The following AUTS2 variants were observed in gnomAD, a reference collection of about 807,000 sequenced individuals.
AUTS2 encodes autism susceptibility gene 2 protein.
AUTS2 carries 17 observed loss-of-function variants against 112.4 expected under a neutral mutation model. The ratio of observed to expected loss-of-function variants is 0.15; its 90% CI spans 0.10 to 0.23. The LOEUF (loss-of-function observed/expected upper bound fraction) is 0.23. Ranked by LOEUF, AUTS2 falls within the 10% of genes least tolerant of loss-of-function variation. AUTS2 has a pLI of 1.00. For missense variants in AUTS2, 1,510 were observed against 1,701.6 expected (o/e 0.89, Z 1.98); for synonymous variants, 751 against 702.7 (o/e 1.07, Z -1.09).
chr7:70,354,620 G>T (rs1791909035), intron 4 of AUTS2, among the ~76,000 whole-genome samples: 1 of 152,160 alleles, frequency 6.6e-6, no homozygotes, highest in Non-Finnish European at 1.5e-5. Context: ...TCCCCAGCCA[G>T]CAGTCACTGC....
At chr7:69,662,116 C>T (rs1254900752) in intron 1 of AUTS2, among the ~76,000 whole-genome samples, 1 of 152,032 alleles carries the variant, frequency 6.6e-6, no homozygotes, top group South Asian at 2.1e-4. Flanking sequence ...CTTCCCCCTC[C>T]CTTTCTCCCA....
At chr7:70,788,112 C>T (rs1440540298) in intron 18 of AUTS2, among the ~76,000 whole-genome samples, 4 of 151,772 alleles carry the variant, frequency 2.6e-5, no homozygotes, top group Non-Finnish European at 4.4e-5. Context: ...AATATCGTAA[C>T]GCATTCTTGA....
At chr7:70,683,148 A>G (rs1808293855) in intron 5 of AUTS2, among the ~76,000 whole-genome samples, 1 of 152,180 alleles carries the variant, frequency 6.6e-6, no homozygotes, top group African/African-American at 2.4e-5. Flanking sequence ...TTAATGATAT[A>G]TTTTTTAGAA....
intron 1 of AUTS2, among the ~76,000 whole-genome samples, chr7:69,786,293 G>T (rs1051395204): frequency 6.6e-6 from 1 of 152,016 alleles, no homozygotes; most frequent in Non-Finnish European, 1.5e-5. Flanking sequence ...ACCAATCAGC[G>T]CTCTGCGTCT....
At chr7:70,434,152 G>T (rs1477212832) in intron 4 of AUTS2, among the ~76,000 whole-genome samples, 1 of 152,138 alleles carries the variant, frequency 6.6e-6, no homozygotes, top group Admixed American at 6.6e-5. Flanking sequence ...TTGTTTACTG[G>T]GGAGACAAAA....
At chr7:70,463,469 A>C (rs1328664714) in intron 5 of AUTS2, among the ~76,000 whole-genome samples, 1 of 152,208 alleles carries the variant, frequency 6.6e-6, no homozygotes, top group Admixed American at 6.5e-5. Flanking sequence ...TGTCCAGCTT[A>C]TATTTAGAAT....
intron 1 of AUTS2, among the ~76,000 whole-genome samples, chr7:69,755,613 G>T (rs549406781): frequency 6.6e-6 from 1 of 152,270 alleles, no homozygotes; most frequent in East Asian, 1.9e-4. Context: ...ATTATGATGA[G>T]AGCCATGGGA....
intron 4 of AUTS2, among the ~76,000 whole-genome samples, chr7:70,313,051 T>G (rs948000563): frequency 6.6e-6 from 1 of 152,172 alleles, no homozygotes; most frequent in African/African-American, 2.4e-5. Context: ...TGTTGTTCCA[T>G]AGGGAAGAAA....
chr7:70,435,753 G>A lies in AUTS2; in HGVS notation c.662G>A (p.Cys221Tyr), dbSNP rs1795866841. ...TTATTCTCTTGTCTTCATTTTCAGT[G>A]TGACAGTGACAGTGACCAGGAAGAG... The part of the protein sequence containing the change: ...APSSLGTGYF[C>Y]DSDSDQEEKA... Residue 221 changes from cysteine (C) to tyrosine (Y), a missense_variant and splice_region_variant, in exon 5 of 19, where the codon TGT (cysteine) becomes TAT (tyrosine). Cys to Tyr is a radical substitution (Grantham distance 194). Transcript: ENST00000342771. 1.9e-6 allele frequency: 3 copies of A among 1,613,924 alleles called. No homozygotes were observed. Among genetic ancestry groups the A allele is most frequent in the Non-Finnish European group, 2.5e-6 (3 of 1,179,906 alleles).
At chr7:70,531,343 G>A (rs539049447) in intron 5 of AUTS2, among the ~76,000 whole-genome samples, 16 of 152,334 alleles carry the variant, frequency 1.1e-4, no homozygotes, top group Non-Finnish European at 1.9e-4. Flanking sequence ...CAGGCCTGCA[G>A]ACAGCTAGAT....
intron 6 of AUTS2, among the ~76,000 whole-genome samples, chr7:70,742,301 A>G (rs1188515507): frequency 6.6e-6 from 1 of 152,232 alleles, no homozygotes; most frequent in Non-Finnish European, 1.5e-5. Context: ...CCCCCGCCAG[A>G]GGAATATCTC....
At chr7:70,729,939 A>G (rs1304144443) in intron 6 of AUTS2, among the ~76,000 whole-genome samples, 4 of 152,060 alleles carry the variant, frequency 2.6e-5, no homozygotes, top group Non-Finnish European at 5.9e-5. Context: ...CTGGAGTGCA[A>G]TGGCGCAATC....
chr7:69,915,030 A>G (rs185204114), intron 2 of AUTS2, among the ~76,000 whole-genome samples: 59 of 152,282 alleles, frequency 3.9e-4, no homozygotes, highest in Admixed American at 2.1e-3. Flanking sequence ...GTTTAATGAT[A>G]ACTCTGCCCA....
chr7:70,225,398 T>A (rs1306364486), intron 4 of AUTS2, among the ~76,000 whole-genome samples: 1 of 152,212 alleles, frequency 6.6e-6, no homozygotes, highest in Non-Finnish European at 1.5e-5. Flanking sequence ...TTTTTAGTGC[T>A]TTAATTTCTC....
At chr7:70,771,690 C>A (rs556754247) in intron 11 of AUTS2, 46 bp downstream of exon 11, 2 of 1,556,450 alleles carry the variant, frequency 1.3e-6, no homozygotes, top group East Asian at 4.5e-5. Context: ...GTCTAAGTGG[C>A]GTCCCGGGCC....
At chr7:70,649,229 G>A (rs1806348318) in intron 5 of AUTS2, among the ~76,000 whole-genome samples, 1 of 151,074 alleles carries the variant, frequency 6.6e-6, no homozygotes, top group South Asian at 2.1e-4. Context: ...TAGATTAGAA[G>A]TTTGAGACCA....
intron 1 of AUTS2, among the ~76,000 whole-genome samples, chr7:69,829,558 C>G (rs962795632): frequency 6.6e-6 from 1 of 151,970 alleles, no homozygotes; most frequent in Non-Finnish European, 1.5e-5. Context: ...AACACCACCA[C>G]CAAAAAGTGG....
At chr7:70,771,456 C>A (rs1790332849) in intron 10 of AUTS2, 93 bp from the exon 11 acceptor site, 2 of 1,050,788 alleles carry the variant, frequency 1.9e-6, no homozygotes, top group Non-Finnish European at 2.8e-6. Flanking sequence ...ACGTGGCTTG[C>A]TCATGTCGAT....
intron 1 of AUTS2, among the ~76,000 whole-genome samples, chr7:69,795,970 A>G (rs759965000): frequency 6.6e-6 from 1 of 152,228 alleles, no homozygotes; most frequent in Non-Finnish European, 1.5e-5. Flanking sequence ...GTTCATGCAC[A>G]TAGTTACCTC....
Sources: gnomAD v4.1 joint callset for allele counts (sites outside exome capture counted in the v4.1 genomes callset) on GRCh38, gnomAD v4.1.1 for gene constraint, MANE v1.5 for transcripts, NCBI Gene and HGNC (gene_info 2026-07-23, HGNC 2026-07-21) for gene names.